DCC: variants seen among roughly 807,000 people sequenced by gnomAD.
The protein encoded by DCC is DCC netrin 1 receptor.
In DCC, 58 loss-of-function variants were observed where a neutral mutation model predicts 172.5. The ratio of observed to expected loss-of-function variants is 0.34; its 90% CI spans 0.27 to 0.42. The LOEUF is 0.42. Ranked by LOEUF, DCC falls within the 10% of genes least tolerant of loss-of-function variation. The pLI, the probability that DCC is intolerant of heterozygous loss-of-function variation, is 1.00. For missense variants in DCC, 1,740 were observed against 1,791.0 expected, an observed-to-expected ratio of 0.97 and a Z score of 0.51; for synonymous variants, 709 against 644.5, an observed-to-expected ratio of 1.10 and a Z score of -1.52.
At chr18:53,048,370 T>C (rs1245454288) in intron 5 of DCC, among the ~76,000 whole-genome samples, 2 of 151,702 alleles carry the variant, frequency 1.3e-5, no homozygotes, top group Non-Finnish European at 1.5e-5. Context: ...AGTGAGAACA[T>C]GTGGTATTTG....
chr18:52,664,470 C>CTTTTTTTTTTTTTTTTT (rs74178680), intron 1 of DCC, among the ~76,000 whole-genome samples: 3 of 99,802 alleles, frequency 3.0e-5, no homozygotes, highest in Non-Finnish European at 5.7e-5. Context: ...TTTTCTTTTT[C>CTTTTTTTTTTTTTTTTT]TTTTTCTTTT....
chr18:53,491,375 A>G (rs1230692180), intron 26 of DCC, among the ~76,000 whole-genome samples: 1 of 152,142 alleles, frequency 6.6e-6, no homozygotes, highest in African/African-American at 2.4e-5. Flanking sequence ...AGATTTCTTT[A>G]TTATACTTTA....
At chr18:53,011,695 G>T (rs1271754150) in intron 5 of DCC, among the ~76,000 whole-genome samples, 1 of 151,672 alleles carries the variant, frequency 6.6e-6, no homozygotes, top group Non-Finnish European at 1.5e-5. Context: ...TAGGGATTCT[G>T]CAACTAAACG....
At chr18:52,807,755 C>A (rs1424523579) in intron 2 of DCC, among the ~76,000 whole-genome samples, 2 of 152,180 alleles carry the variant, frequency 1.3e-5, no homozygotes, top group Non-Finnish European at 2.9e-5. Context: ...AACTCTACTG[C>A]AAACAGGTGT....
rs116178146 is a variant in DCC, at chr18:52,546,572, C to T, written c.92-205482C>T. On this transcript the variant is annotated intron_variant, in intron 1 of 28. Transcript: ENST00000442544. ...GAAAAGATGTTACTGCTGGATAGAG[C>T]GTGGGAGGCATCTGGGCCTAGTCCC... Among the ~76,000 whole-genome samples, 172 of 152,034 alleles carry T rather than the reference C, an allele frequency of 1.1e-3. 1 individual carries two copies. Among genetic ancestry groups the T allele is most frequent in the African/African-American group, 3.6e-3 (150 of 41,476 alleles).
intron 21 of DCC, among the ~76,000 whole-genome samples, chr18:53,425,448 C>T (rs1910870282): frequency 6.9e-6 from 1 of 145,502 alleles, no homozygotes; most frequent in African/African-American, 2.5e-5. Context: ...CAATCTCTGC[C>T]TCCTGGGTTC....
chr18:53,533,928 T>C lies in DCC; in HGVS notation c.*3275T>C, dbSNP rs2046548185. 6.6e-6 allele frequency: 1 copy of C among 152,202 alleles called. No homozygotes were observed. The allele number at this position is 152,202 out of a possible 1,614,324, so 9.4% of individuals were successfully genotyped here. ...CACAAGGAGAGCCATCCTGTGCTAG[T>C]GTGATGTTTCAGACAACATTCTGAA... On this transcript the variant is annotated 3_prime_UTR_variant, in exon 29 of 29. Coordinates refer to ENST00000442544, the MANE Select transcript of DCC (RefSeq NM_005215.4).
At chr18:53,498,256 T>C (rs1598809126) in intron 26 of DCC, among the ~76,000 whole-genome samples, 1 of 152,364 alleles carries the variant, frequency 6.6e-6, no homozygotes, top group South Asian at 2.1e-4. Context: ...GGGAGACTTG[T>C]CTCAAAATTA....
chr18:53,177,188 G>A (rs2055113651), intron 8 of DCC, among the ~76,000 whole-genome samples: 3 of 151,608 alleles, frequency 2.0e-5, no homozygotes, highest in African/African-American at 7.3e-5. Context: ...GTGGGGTGGG[G>A]GGAGCGGGGG....
At chr18:53,084,294 C>T (rs1193069173) in intron 7 of DCC, among the ~76,000 whole-genome samples, 1 of 152,124 alleles carries the variant, frequency 6.6e-6, no homozygotes, top group East Asian at 1.9e-4. Flanking sequence ...CCTATTATTC[C>T]ATTAATCTAT....
intron 1 of DCC, among the ~76,000 whole-genome samples, chr18:52,728,239 A>C (rs77895680): frequency 6.6e-6 from 1 of 152,134 alleles, no homozygotes; most frequent in East Asian, 1.9e-4. Flanking sequence ...GTGAAGAGAT[A>C]ATAAGCTACT....
At chr18:53,233,823 T>C (rs1474713154) in intron 12 of DCC, among the ~76,000 whole-genome samples, 1 of 152,146 alleles carries the variant, frequency 6.6e-6, no homozygotes, top group African/African-American at 2.4e-5. Context: ...TCTCAAAATG[T>C]ATTGGCCAGG....
rs1220950482 is a variant in DCC at position 53,499,467 on chromosome 18, A to G, written c.4068A>G (p.Ala1356=). Residue 1356 remains alanine, a synonymous_variant, in exon 27 of 29, where the codon GCA becomes GCG. Transcript: ENST00000442544. Reference sequence around the variant, plus strand: ...CTTTGCTACCTCCACCAATGAGTGCAATAGAACCGAAAGTCCCTTACACAC... The same window carrying G: ...CTTTGCTACCTCCACCAATGAGTGCGATAGAACCGAAAGTCCCTTACACAC... ...ANPLLPPPMS[A]IEPKVPYTPL... is the part of the protein sequence containing the mutation. 1 of 1,614,068 alleles carries G rather than the reference A, an allele frequency of 6.2e-7. No homozygotes were observed. Among genetic ancestry groups the G allele is most frequent in the Non-Finnish European group, 8.5e-7 (1 of 1,180,016 alleles).
intron 4 of DCC, among the ~76,000 whole-genome samples, chr18:52,925,020 T>C (rs2040179876): frequency 6.6e-6 from 1 of 151,940 alleles, no homozygotes; most frequent in Non-Finnish European, 1.5e-5. Flanking sequence ...ATCTGCTTCA[T>C]TTATTTGATC....
chr18:53,125,138 A>T (rs570380883), intron 7 of DCC, among the ~76,000 whole-genome samples: 108 of 152,266 alleles, frequency 7.1e-4, no homozygotes, highest in Middle Eastern at 3.4e-3. Context: ...ATCTAAAATT[A>T]TCCAGGAAAA....
At chr18:52,753,846 G>A (rs1206843675) in intron 2 of DCC, among the ~76,000 whole-genome samples, 2 of 152,134 alleles carry the variant, frequency 1.3e-5, no homozygotes, top group African/African-American at 4.8e-5. Context: ...GACCTGCAAA[G>A]TGAAGAATCA....
intron 13 of DCC, among the ~76,000 whole-genome samples, chr18:53,307,897 G>GTATATATATA (rs771876514): frequency 1.5e-5 from 1 of 67,412 alleles, no homozygotes; most frequent in East Asian, 4.4e-4. Context: ...GTGTGTGTAT[G>GTATATATATA]TATATATATA....
intron 16 of DCC, among the ~76,000 whole-genome samples, chr18:53,390,238 A>G (rs1037677912): frequency 1.5e-5 from 2 of 131,402 alleles, no homozygotes; most frequent in South Asian, 3.0e-4. Context: ...TTTAAACACA[A>G]CTCTCTTTCT....
chr18:53,060,644 C>T (rs1185375181), intron 5 of DCC, among the ~76,000 whole-genome samples: 1 of 152,060 alleles, frequency 6.6e-6, no homozygotes, highest in Non-Finnish European at 1.5e-5. Context: ...AGATTATTTT[C>T]CCCTTGGTTA....
Sources: allele counts gnomAD v4.1 joint callset (sites outside exome capture counted in the v4.1 genomes callset), GRCh38; gene constraint gnomAD v4.1.1; transcripts MANE v1.5; gene names NCBI Gene and HGNC (gene_info 2026-07-23, HGNC 2026-07-21).